Variants in CADM2 observed in about 807,000 individuals in gnomAD.
CADM2 encodes the protein immunoglobulin superfamily member 4D.
A neutral mutation model predicts 49.8 loss-of-function variants in CADM2; 12 were observed. The observed-to-expected ratio is 0.24, with a 90% CI of 0.15 to 0.39. The LOEUF is 0.39. Ranked by LOEUF, CADM2 falls within the 10% of genes least tolerant of loss-of-function variation. The probability of loss-of-function intolerance (pLI) is 1.00; values close to 1 mark genes in which losing one functional copy is unlikely to be tolerated. For synonymous variants in CADM2, 214 were observed against 175.4 expected, an observed-to-expected ratio of 1.22 and a Z score of -1.74; for missense variants, 378 against 492.3, an observed-to-expected ratio of 0.77 and a Z score of 2.20.
intron 1 of CADM2, among the ~76,000 whole-genome samples, chr3:85,383,184 T>C (rs1158581530): frequency 1.3e-5 from 2 of 152,162 alleles, no homozygotes; most frequent in African/African-American, 4.8e-5. Flanking sequence ...TTTCCTTTTG[T>C]TGTGTATAAG....
chr3:84,977,759 A>G (rs181792590), intron 1 of CADM2, among the ~76,000 whole-genome samples: 2 of 152,076 alleles, frequency 1.3e-5, no homozygotes, highest in African/African-American at 2.4e-5. Flanking sequence ...ACAGAGAGCA[A>G]TGGTTTCATC....
At chr3:85,908,260 T>C (rs1355075366) in intron 5 of CADM2, among the ~76,000 whole-genome samples, 7 of 149,204 alleles carry the variant, frequency 4.7e-5, no homozygotes, top group Non-Finnish European at 7.4e-5. Context: ...TCTTCTTTTT[T>C]TTTTTTTTTT....
intron 8 of CADM2, chr3:85,993,930 T>G (rs932431292): frequency 6.6e-6 from 1 of 152,162 alleles, no homozygotes; most frequent in African/African-American, 2.4e-5. Flanking sequence ...ATAGTATATT[T>G]ATTAAAGGCC....
chr3:85,837,553 C>G (rs1302395607), intron 3 of CADM2, among the ~76,000 whole-genome samples: 2 of 151,126 alleles, frequency 1.3e-5, no homozygotes, highest in African/African-American at 4.8e-5. Flanking sequence ...TTTTTTTTTC[C>G]AATTGTGTCA....
At chr3:85,241,686 A>G (rs775637325) in intron 1 of CADM2, among the ~76,000 whole-genome samples, 5 of 151,598 alleles carry the variant, frequency 3.3e-5, no homozygotes, top group Non-Finnish European at 5.9e-5. Flanking sequence ...ATAAGTTATC[A>G]TAAAATCTTT....
intron 1 of CADM2, among the ~76,000 whole-genome samples, chr3:85,028,406 A>G (rs1017250364): frequency 2.0e-5 from 3 of 152,146 alleles, no homozygotes; most frequent in Non-Finnish European, 2.9e-5. Context: ...TTATTAGTTT[A>G]TCTCATTTAA....
At chr3:85,781,753 T>A (rs1054423153) in intron 2 of CADM2, among the ~76,000 whole-genome samples, 15 of 152,208 alleles carry the variant, frequency 9.9e-5, no homozygotes, top group African/African-American at 3.6e-4. Flanking sequence ...AGGGCCATGT[T>A]TTGCCAGTGT....
chr3:86,037,767 CA>C (rs1383690259), intron 8 of CADM2, among the ~76,000 whole-genome samples: 10 of 152,104 alleles, frequency 6.6e-5, no homozygotes, highest in Non-Finnish European at 4.4e-5. Context: ...CATACACTTC[CA>C]AAAACTATTA....
chr3:85,087,750 A>G (rs1191999305), intron 1 of CADM2, among the ~76,000 whole-genome samples: 1 of 152,158 alleles, frequency 6.6e-6, no homozygotes, highest in Non-Finnish European at 1.5e-5. Context: ...TAATAAAACT[A>G]TTCATCATTT....
intron 1 of CADM2, among the ~76,000 whole-genome samples, chr3:85,138,689 A>G (rs12495761): frequency 0.031 from 4,645 of 152,186 alleles, 98 homozygotes; most frequent in South Asian, 0.044. Context: ...GAACATCAAA[A>G]ACTCTTTTGT....
intron 1 of CADM2, among the ~76,000 whole-genome samples, chr3:85,275,682 T>C (rs1356970786): frequency 6.6e-5 from 10 of 151,318 alleles, no homozygotes; most frequent in African/African-American, 2.2e-4. Flanking sequence ...ATGTTCTCTT[T>C]TAATACATGT....
chr3:85,147,564 A>G (rs2039788576), intron 1 of CADM2, among the ~76,000 whole-genome samples: 1 of 152,052 alleles, frequency 6.6e-6, no homozygotes, highest in Non-Finnish European at 1.5e-5. Flanking sequence ...ATTTATCCAT[A>G]TTGGTTTTCT....
At chr3:85,654,219 C>T (rs1383163852) in intron 1 of CADM2, among the ~76,000 whole-genome samples, 1 of 151,962 alleles carries the variant, frequency 6.6e-6, no homozygotes, top group African/African-American at 2.4e-5. Flanking sequence ...AGGTATTTAT[C>T]AACAGAGAAA....
intron 3 of CADM2, among the ~76,000 whole-genome samples, chr3:85,851,175 G>A (rs890356334): frequency 2.0e-5 from 3 of 152,040 alleles, no homozygotes; most frequent in Non-Finnish European, 4.4e-5. Context: ...TTTTGAATAT[G>A]TTTTGCAAGA....
At chr3:85,073,087 A>G (rs1035571924) in intron 1 of CADM2, among the ~76,000 whole-genome samples, 2 of 152,146 alleles carry the variant, frequency 1.3e-5, no homozygotes, top group African/African-American at 4.8e-5. Flanking sequence ...TTAAAATGGT[A>G]GTGGCAATGT....
intron 1 of CADM2, among the ~76,000 whole-genome samples, chr3:85,396,670 G>T (rs984600475): frequency 3.3e-5 from 5 of 151,926 alleles, no homozygotes; most frequent in African/African-American, 1.2e-4. Flanking sequence ...AATGGCAAAA[G>T]GACAGTCTGT....
intron 7 of CADM2, among the ~76,000 whole-genome samples, chr3:85,943,450 A>G (rs1722232900): frequency 6.8e-6 from 1 of 147,706 alleles, no homozygotes; most frequent in Non-Finnish European, 1.5e-5. Flanking sequence ...GTTTTCTTCT[A>G]GGGTTTTTAT....
At chr3:85,526,394 A>G (rs540300302) in intron 1 of CADM2, among the ~76,000 whole-genome samples, 6 of 152,244 alleles carry the variant, frequency 3.9e-5, no homozygotes, top group African/African-American at 1.4e-4. Context: ...TCAAATATAC[A>G]CACACACAGT....
Position 86,070,172 on chromosome 3 carries a change from G to T in CADM2, c.*3389G>T, listed in dbSNP as rs966420787. ...ACAATTAAAATAACAAATAGAGAAA[G>T]AAAACTAACTTTCCTAAATATGGCA... On this transcript the variant is annotated 3_prime_UTR_variant, in exon 10 of 10. Transcript: ENST00000383699. 8 of 151,792 alleles carry T rather than the reference G, an allele frequency of 5.3e-5. No individual in the cohort carries two copies. Among genetic ancestry groups the T allele is most frequent in the African/African-American group, 1.9e-4 (8 of 41,384 alleles). 9.4% of individuals were successfully genotyped at this position (151,792 alleles called of 1,614,324 possible).
Sources: allele counts gnomAD v4.1 joint callset (sites outside exome capture counted in the v4.1 genomes callset), GRCh38; gene constraint gnomAD v4.1.1; transcripts MANE v1.5; gene names NCBI Gene and HGNC (gene_info 2026-07-23, HGNC 2026-07-21).